The following WDFY2 variants were observed in gnomAD, a reference collection of about 807,000 sequenced individuals.
WDFY2 encodes the protein WD repeat and FYVE domain-containing protein 2.
In WDFY2, 36 loss-of-function variants were observed where a neutral mutation model predicts 56.4. The ratio of observed to expected loss-of-function variants is 0.64; its 90% CI spans 0.49 to 0.84. WDFY2 has a LOEUF of 0.84. WDFY2 is among the 40% of genes least tolerant of loss of function. The probability of loss-of-function intolerance (pLI) is 0.00; values close to 1 mark genes in which losing one functional copy is unlikely to be tolerated. For missense variants in WDFY2, 444 were observed against 512.2 expected (o/e 0.87, Z 1.29); for synonymous variants, 176 against 183.7 (o/e 0.96, Z 0.34).
chr13:51,690,186 A>T (rs1418448186), intron 3 of WDFY2, among the ~76,000 whole-genome samples: 1 of 3,818 alleles, frequency 2.6e-4, no homozygotes, highest in Non-Finnish European at 3.0e-3. Context: ...TTAGATCATT[A>T]TATATATATA....
At chr13:51,624,667 A>G (rs984558816) in intron 1 of WDFY2, among the ~76,000 whole-genome samples, 1 of 152,234 alleles carries the variant, frequency 6.6e-6, no homozygotes, top group Admixed American at 6.5e-5. Context: ...ATCGGGGTAA[A>G]GGACTGAGAA....
At position 51,758,183 on chromosome 13, in the gene WDFY2, TCCTTCTAGACGTGCACCCA is replaced by T. The variant is rs1437733211; in HGVS notation, c.1065-7_1076del. The T allele has an allele frequency of 1.3e-6, 2 of 1,543,634 alleles. No individual in the cohort carries two copies. The highest frequency in any genetic ancestry group is 2.7e-5 in the African/African-American group (2 of 74,078). ...TTTTCCCCTCAGAAGCTTTCTTTGC[TCCTTCTAGACGTGCACCCA>T]CAGCCACCTTCCATGACAGTAAACA... On this transcript the variant is annotated splice_acceptor_variant and splice_polypyrimidine_tract_variant and coding_sequence_variant and intron_variant, in exon 11 of 12. Transcript: ENST00000298125. LOFTEE classifies it high-confidence loss of function.
At chr13:51,650,809 G>A (rs969191905) in intron 1 of WDFY2, among the ~76,000 whole-genome samples, 4 of 152,098 alleles carry the variant, frequency 2.6e-5, no homozygotes, top group Non-Finnish European at 4.4e-5. Flanking sequence ...TGCTGGATTC[G>A]GTTTGCCAGT....
In WDFY2 at chr13:51,761,706, T is replaced by G. The variant is rs1235994990; in HGVS notation, c.*1937T>G. 1 of 152,242 alleles carries G rather than the reference T, an allele frequency of 6.6e-6. No individual in the cohort carries two copies. Among genetic ancestry groups the G allele is most frequent in the East Asian group, 1.9e-4 (1 of 5,196 alleles). 9.4% of individuals were successfully genotyped at this position (152,242 alleles called of 1,614,324 possible). A position where few individuals can be genotyped will look rare whatever the true frequency, so the allele number is the denominator to read the frequency against. The stretch of plus-strand genomic sequence containing the variant: ...ACAAGCTGTCCTCAGGTACTGCCCC[T>G]ACGTGTGTTTCCCTGGGATGGGGCC... On this transcript the variant is annotated 3_prime_UTR_variant, in exon 12 of 12. Coordinates refer to ENST00000298125, the MANE Select transcript of WDFY2 (RefSeq NM_052950.4).
chr13:51,602,159 C>T (rs1401343149), intron 1 of WDFY2, among the ~76,000 whole-genome samples: 1 of 152,196 alleles, frequency 6.6e-6, no homozygotes, highest in Non-Finnish European at 1.5e-5. Flanking sequence ...TAATGTGTTG[C>T]ATAGCAACAT....
At position 51,766,135 on chromosome 13, in the gene WDFY2, G is replaced by A. The variant is rs1009715925; in HGVS notation, c.*6366G>A. 4 of 152,182 alleles carry A rather than the reference G, an allele frequency of 2.6e-5. No individual in the cohort carries two copies. Among genetic ancestry groups the A allele is most frequent in the African/African-American group, 9.7e-5 (4 of 41,450 alleles). 9.4% of individuals were successfully genotyped at this position (152,182 alleles called of 1,614,324 possible). On this transcript the variant is annotated 3_prime_UTR_variant, in exon 12 of 12. Coordinates refer to ENST00000298125, the MANE Select transcript of WDFY2 (RefSeq NM_052950.4). ...TATGAAGTATGGCCAAAACCCTAGC[G>A]TCACTTGTAACCATTGTACTCTTAT...
At chr13:51,714,957 G>A (rs1472474864) in intron 4 of WDFY2, among the ~76,000 whole-genome samples, 1 of 152,138 alleles carries the variant, frequency 6.6e-6, no homozygotes, top group African/African-American at 2.4e-5. Flanking sequence ...GTAGCACAAT[G>A]GTATTTGTTA....
chr13:51,719,360 T>C lies in WDFY2; in HGVS notation c.485+12T>C. 2.6e-6 allele frequency: 4 copies of C among 1,542,824 alleles called. No homozygotes were observed. The highest frequency in any genetic ancestry group is 3.5e-6 in the Non-Finnish European group (4 of 1,147,486). Reference sequence around the variant, plus strand: ...GCCTCAGGCCTGCAGTATCCTTTGCTGGACAAAAATCTCTTAGTGGGAACT... The same window carrying C: ...GCCTCAGGCCTGCAGTATCCTTTGCCGGACAAAAATCTCTTAGTGGGAACT... On this transcript the variant is annotated intron_variant, in intron 5 of 11. Transcript: ENST00000298125.
At chr13:51,680,028 A>T (rs1955951917) in intron 3 of WDFY2, among the ~76,000 whole-genome samples, 1 of 152,140 alleles carries the variant, frequency 6.6e-6, no homozygotes, top group Non-Finnish European at 1.5e-5. Context: ...GGACTCAAGT[A>T]ATCTTCCCAC....
chr13:51,628,649 C>T (rs903361540), intron 1 of WDFY2, among the ~76,000 whole-genome samples: 2 of 152,318 alleles, frequency 1.3e-5, no homozygotes, highest in South Asian at 2.1e-4. Flanking sequence ...CGAGTGGTCC[C>T]TCCAGATGGC....
intron 1 of WDFY2, among the ~76,000 whole-genome samples, chr13:51,627,803 C>T (rs1954865423): frequency 6.6e-6 from 1 of 152,142 alleles, no homozygotes; most frequent in Non-Finnish European, 1.5e-5. Flanking sequence ...CAGTAGGTGG[C>T]TCCTCTCCAT....
At chr13:51,612,201 C>T (rs1259698243) in intron 1 of WDFY2, among the ~76,000 whole-genome samples, 2 of 152,154 alleles carry the variant, frequency 1.3e-5, no homozygotes, top group Non-Finnish European at 2.9e-5. Context: ...AGAATTAAGA[C>T]ACATACTGAT....
chr13:51,670,947 A>G (rs1254109053), intron 2 of WDFY2, among the ~76,000 whole-genome samples: 1 of 152,122 alleles, frequency 6.6e-6, no homozygotes, highest in Non-Finnish European at 1.5e-5. Context: ...CTTAGCTCCC[A>G]CTTATGAGTA....
chr13:51,655,795 T>G (rs1322177650), intron 1 of WDFY2, among the ~76,000 whole-genome samples: 1 of 152,180 alleles, frequency 6.6e-6, no homozygotes, highest in African/African-American at 2.4e-5. Flanking sequence ...TTTTGCACTT[T>G]TCTTTGTTGA....
chr13:51,682,889 C>T (rs1566117553), intron 3 of WDFY2, among the ~76,000 whole-genome samples: 1 of 152,128 alleles, frequency 6.6e-6, no homozygotes, highest in Non-Finnish European at 1.5e-5. Flanking sequence ...TTAGTCATGG[C>T]ATATTCCTTA....
chr13:51,648,373 T>A (rs1593929821), intron 1 of WDFY2, among the ~76,000 whole-genome samples: 1 of 152,154 alleles, frequency 6.6e-6, no homozygotes, highest in African/African-American at 2.4e-5. Context: ...TAGGTTGGGG[T>A]GGCCATGGCC....
chr13:51,748,930 T>G (rs749069554), intron 7 of WDFY2, among the ~76,000 whole-genome samples: 1 of 152,204 alleles, frequency 6.6e-6, no homozygotes, highest in African/African-American at 2.4e-5. Context: ...AATAGACACT[T>G]TAGTATTGCC....
intron 1 of WDFY2, among the ~76,000 whole-genome samples, chr13:51,585,036 T>C (rs1260827725): frequency 6.6e-6 from 1 of 152,224 alleles, no homozygotes; most frequent in East Asian, 1.9e-4. Flanking sequence ...CGGCGAGCGC[T>C]CCGGCTTCAC....
At chr13:51,635,282 A>T (rs1955024447) in intron 1 of WDFY2, among the ~76,000 whole-genome samples, 1 of 152,150 alleles carries the variant, frequency 6.6e-6, no homozygotes, top group Non-Finnish European at 1.5e-5. Flanking sequence ...GAGTTGAGAG[A>T]GAAATTATGA....
Sources: gnomAD v4.1 joint callset for allele counts (sites outside exome capture counted in the v4.1 genomes callset) on GRCh38, gnomAD v4.1.1 for gene constraint, MANE v1.5 for transcripts, NCBI Gene and HGNC (gene_info 2026-07-23, HGNC 2026-07-21) for gene names.